Variants in LRRC63 observed in about 807,000 individuals in gnomAD.
The protein encoded by LRRC63 is leucine-rich repeat-containing protein 63.
A neutral mutation model predicts 49.5 loss-of-function variants in LRRC63; 40 were observed. The ratio of observed to expected loss-of-function variants is 0.81; its 90% confidence interval spans 0.63 to 1.05. LRRC63 has a LOEUF of 1.05. Among genes scored for constraint, LRRC63 ranks in the 50% least tolerant of loss-of-function variants. The probability of loss-of-function intolerance (pLI) is 0.00; values close to 1 mark genes in which losing one functional copy is unlikely to be tolerated. For synonymous variants in LRRC63, 191 were observed against 221.1 expected, an observed-to-expected ratio of 0.86 and a Z score of 1.21; for missense variants, 636 against 663.1, an observed-to-expected ratio of 0.96 and a Z score of 0.45.
intron 5 of LRRC63, among the ~76,000 whole-genome samples, chr13:46,245,318 G>T (rs1169784556): frequency 6.6e-6 from 1 of 152,006 alleles, no homozygotes; most frequent in African/African-American, 2.4e-5. Flanking sequence ...ATTCAATAAA[G>T]ATATAGAAGA....
At chr13:46,220,922 C>G (rs995154962) in intron 2 of LRRC63, among the ~76,000 whole-genome samples, 9 of 152,180 alleles carry the variant, frequency 5.9e-5, no homozygotes, top group African/African-American at 1.9e-4. Context: ...CTTTGGCTCG[C>G]CCTCCATATT....
At chr13:46,223,479 T>G (rs199794062) in intron 2 of LRRC63, among the ~76,000 whole-genome samples, 46 of 119,158 alleles carry the variant, frequency 3.9e-4, no homozygotes, top group East Asian at 1.1e-3. Flanking sequence ...CTGACAGTTT[T>G]TTTTGTTTTT....
intron 9 of LRRC63, chr13:46,270,574 T>G (rs571681525): frequency 1.1e-6 from 1 of 878,816 alleles, no homozygotes; most frequent in East Asian, 2.5e-5. Flanking sequence ...AAAAACGGTA[T>G]GAAGAAGTCA....
At chr13:46,225,132 G>T (rs2046531924) in intron 2 of LRRC63, among the ~76,000 whole-genome samples, 1 of 152,208 alleles carries the variant, frequency 6.6e-6, no homozygotes, top group Non-Finnish European at 1.5e-5. Context: ...AGTAGAGGTG[G>T]TGAATGACCC....
chr13:46,265,677 T>C (rs1343660139), intron 8 of LRRC63, among the ~76,000 whole-genome samples: 2 of 152,212 alleles, frequency 1.3e-5, no homozygotes, highest in African/African-American at 4.8e-5. Context: ...TATTTGAATT[T>C]TGGGGGGACA....
At chr13:46,255,542 C>T (rs1250744511) in intron 7 of LRRC63, among the ~76,000 whole-genome samples, 2 of 151,310 alleles carry the variant, frequency 1.3e-5, no homozygotes, top group Non-Finnish European at 2.9e-5. Flanking sequence ...GTGGTATGTA[C>T]TTGTAGTCCC....
intron 9 of LRRC63, among the ~76,000 whole-genome samples, chr13:46,271,264 A>G (rs1354354206): frequency 6.6e-6 from 1 of 152,120 alleles, no homozygotes; most frequent in Non-Finnish European, 1.5e-5. Flanking sequence ...ACATTATGGT[A>G]TGGTTATTGC....
Position 46,230,951 on chromosome 13 carries a change from G to A in LRRC63, c.832+2218G>A, listed in dbSNP as rs79918644. Among the ~76,000 whole-genome samples, 810 of 152,296 alleles carry A rather than the reference G, an allele frequency of 5.3e-3. 1 individual carries two copies. The highest frequency in any genetic ancestry group is 9.0e-3 in the Non-Finnish European group (609 of 68,030). Reference sequence around the variant, plus strand: ...TCACTCTGAAGTTCAGACTTCCACAGATCATTAGGACATGAATAGAATTTA... The same window carrying A: ...TCACTCTGAAGTTCAGACTTCCACAAATCATTAGGACATGAATAGAATTTA... On this transcript the variant is annotated intron_variant, in intron 4 of 9. Transcript: ENST00000595396.
intron 5 of LRRC63, among the ~76,000 whole-genome samples, chr13:46,245,718 T>C (rs1487177702): frequency 1.3e-5 from 2 of 152,146 alleles, no homozygotes; most frequent in African/African-American, 4.8e-5. Context: ...TTGGCATATT[T>C]AACAAGAAGT....
chr13:46,234,191 G>C lies in LRRC63; in HGVS notation c.833-1G>C, dbSNP rs2046841199. ...TGTTTTGTTTTGTTTTGTTTATTTA[G>C]GTCTCACCAAAACTGAAAAAATAGA... On this transcript the variant is annotated splice_acceptor_variant, in intron 4 of 9. Transcript: ENST00000595396. LOFTEE classifies it high-confidence loss of function. 1.3e-6 allele frequency: 2 copies of C among 1,546,764 alleles called. No individual in the cohort carries two copies. Among genetic ancestry groups the C allele is most frequent in the African/African-American group, 1.4e-5 (1 of 72,940 alleles).
chr13:46,233,631 A>G (rs1566483677), intron 4 of LRRC63, among the ~76,000 whole-genome samples: 2 of 152,212 alleles, frequency 1.3e-5, no homozygotes, highest in African/African-American at 2.4e-5. Context: ...CCATAGGGTC[A>G]TAATAAAGTA....
At chr13:46,266,779 C>T in exon 9 of LRRC63, 1 of 1,549,310 alleles carries the variant, frequency 6.5e-7, no homozygotes, top group Non-Finnish European at 8.7e-7. Context: ...GAGTTTTTTC[C>T]CCCATGGAAT....
At chr13:46,242,130 T>C (rs1149874) in intron 5 of LRRC63, among the ~76,000 whole-genome samples, 81,661 of 152,094 alleles carry the variant, frequency 0.54, 25,542 homozygotes, top group African/African-American at 0.86. Flanking sequence ...AATACTATGC[T>C]GCCATTAAAA....
intron 5 of LRRC63, among the ~76,000 whole-genome samples, chr13:46,236,996 T>G (rs538273937): frequency 2.6e-5 from 4 of 152,230 alleles, no homozygotes; most frequent in African/African-American, 9.6e-5. Flanking sequence ...TGTTGTAAAT[T>G]TAGGATGCCA....
intron 2 of LRRC63, among the ~76,000 whole-genome samples, chr13:46,223,856 A>C (rs775852941): frequency 2.4e-4 from 36 of 152,196 alleles, no homozygotes; most frequent in Admixed American, 7.2e-4. Context: ...ACCTTGTCTC[A>C]AAAACAAAAA....
intron 9 of LRRC63, among the ~76,000 whole-genome samples, chr13:46,275,591 T>C (rs567616086): frequency 1.3e-5 from 2 of 152,302 alleles, no homozygotes; most frequent in East Asian, 1.9e-4. Flanking sequence ...TTTTTTCATA[T>C]ACTTATTGGC....
At chr13:46,221,040 C>T (rs2046393958) in intron 2 of LRRC63, among the ~76,000 whole-genome samples, 1 of 152,128 alleles carries the variant, frequency 6.6e-6, no homozygotes, top group Admixed American at 6.5e-5. Context: ...TAACTGTTTA[C>T]CTGCCTAGTT....
intron 2 of LRRC63, among the ~76,000 whole-genome samples, chr13:46,218,304 G>A (rs1345247387): frequency 1.3e-5 from 2 of 152,094 alleles, no homozygotes; most frequent in Admixed American, 1.3e-4. Context: ...GTATATTTAG[G>A]ATGGTTAGCT....
intron 4 of LRRC63, among the ~76,000 whole-genome samples, chr13:46,228,949 T>C (rs761361642): frequency 1.4e-4 from 21 of 152,272 alleles, no homozygotes; most frequent in Non-Finnish European, 2.6e-4. Context: ...ATATAAAAGC[T>C]GATGCACTCG....
Sources: gnomAD v4.1 joint callset for allele counts (sites outside exome capture counted in the v4.1 genomes callset) on GRCh38, gnomAD v4.1.1 for gene constraint, MANE v1.5 for transcripts, NCBI Gene and HGNC (gene_info 2026-07-23, HGNC 2026-07-21) for gene names.